NRCAM: variants seen among roughly 807,000 people sequenced by gnomAD.
NRCAM encodes neuronal cell adhesion molecule.
NRCAM carries 83 observed loss-of-function variants against 156.5 expected under a neutral mutation model. The observed-to-expected ratio is 0.53, with a 90% CI of 0.44 to 0.64. The LOEUF is 0.64. Among genes scored for constraint, NRCAM ranks in the 30% least tolerant of loss-of-function variants. The pLI is 0.00. For synonymous variants in NRCAM, 538 were observed against 563.9 expected (o/e 0.95, Z 0.65); for missense variants, 1,417 against 1,597.3 (o/e 0.89, Z 1.92).
At chr7:108,259,573 G>T (rs2081938460) in intron 3 of NRCAM, among the ~76,000 whole-genome samples, 1 of 152,172 alleles carries the variant, frequency 6.6e-6, no homozygotes, top group Admixed American at 6.5e-5. Context: ...ATTCACAATA[G>T]CAAGGAGATG....
intron 3 of NRCAM, among the ~76,000 whole-genome samples, chr7:108,311,338 T>G (rs2098800126): frequency 1.3e-5 from 2 of 152,202 alleles, no homozygotes; most frequent in Non-Finnish European, 2.9e-5. Flanking sequence ...GGATGGTACT[T>G]ACTATCACAT....
chr7:108,199,186 G>T (rs1311864072), intron 13 of NRCAM, among the ~76,000 whole-genome samples: 1 of 152,104 alleles, frequency 6.6e-6, no homozygotes, highest in East Asian at 1.9e-4. Flanking sequence ...GAAAGGAAAA[G>T]GATGTGCATC....
At chr7:108,261,245 G>T (rs906314945) in intron 3 of NRCAM, among the ~76,000 whole-genome samples, 1 of 152,072 alleles carries the variant, frequency 6.6e-6, no homozygotes, top group Non-Finnish European at 1.5e-5. Flanking sequence ...TTAAGACCCA[G>T]GTAAAGGTTG....
At chr7:108,347,714 G>C (rs144631204) in intron 2 of NRCAM, among the ~76,000 whole-genome samples, 1 of 152,328 alleles carries the variant, frequency 6.6e-6, no homozygotes, top group East Asian at 1.9e-4. Context: ...GTTCCTTTAA[G>C]TGAGAATCTT....
chr7:108,432,668 C>T (rs962171962), intron 1 of NRCAM, among the ~76,000 whole-genome samples: 4 of 152,138 alleles, frequency 2.6e-5, no homozygotes, highest in South Asian at 2.1e-4. Context: ...TTCGGGAGGC[C>T]GAGGAGGGCA....
chr7:108,226,373 G>C lies in NRCAM; in HGVS notation c.556C>G (p.Gln186Glu). ...ACTCTCTCACTTTGTGGAAGTCTTT[G>C]AAAGGCTGGAGAAAGGCAGAGAGAT... ...PIIFWMDNSFQRLPQSERVSQ... is the reference protein window; with the variant it reads ...PIIFWMDNSFERLPQSERVSQ... The change falls in exon 9 of 33, where the codon CAA (glutamine) becomes GAA (glutamate). Residue 186 changes from glutamine (Q) to glutamate (E), a missense_variant. Physicochemically the swap from Gln to Glu is conservative, Grantham distance 29. This residue lies in a region of NRCAM where 1,238 missense variants were observed against 1,336.4 expected (regional missense o/e 0.93). Coordinates refer to ENST00000379028, the MANE Select transcript of NRCAM (RefSeq NM_001037132.4). The C allele has an allele frequency of 1.9e-6, 3 of 1,611,080 alleles. No homozygotes were observed. The highest frequency in any genetic ancestry group is 2.2e-5 in the South Asian group (2 of 90,552).
chr7:108,394,581 T>C (rs545019218), intron 2 of NRCAM, among the ~76,000 whole-genome samples: 5 of 152,140 alleles, frequency 3.3e-5, no homozygotes, highest in Non-Finnish European at 4.4e-5. Context: ...ACTAATATGA[T>C]GACACTAAAT....
chr7:108,237,686 T>C (rs988618429), intron 5 of NRCAM, 66 bp downstream of exon 5: 2 of 1,226,086 alleles, frequency 1.6e-6, no homozygotes, highest in African/African-American at 3.1e-5. Context: ...ATCACAATAT[T>C]AATTCAAAAA....
intron 1 of NRCAM, among the ~76,000 whole-genome samples, chr7:108,451,348 G>T (rs1850123068): frequency 6.6e-6 from 1 of 152,138 alleles, no homozygotes; most frequent in Admixed American, 6.6e-5. Context: ...TGGAACCCCT[G>T]CGCATTGTTG....
chr7:108,225,881 G>T (rs2093361263), intron 9 of NRCAM, among the ~76,000 whole-genome samples, 180 bp from the exon 10 acceptor site: 1 of 152,182 alleles, frequency 6.6e-6, no homozygotes, highest in African/African-American at 2.4e-5. Context: ...CCCCCACCAG[G>T]AATATGCAGA....
intron 2 of NRCAM, among the ~76,000 whole-genome samples, chr7:108,374,795 C>T (rs2193248): frequency 0.68 from 103,178 of 151,896 alleles, 35,537 homozygotes; most frequent in East Asian, 0.93. Context: ...TATGGGTATG[C>T]GTAGGCTCAT....
chr7:108,213,648 G>A (rs1481538653), intron 11 of NRCAM, among the ~76,000 whole-genome samples: 1 of 152,142 alleles, frequency 6.6e-6, no homozygotes, highest in South Asian at 2.1e-4. Context: ...AAACTTTAAA[G>A]CAACAGCAGT....
Position 108,226,308 on chromosome 7 carries a change from G to T in NRCAM, c.621C>A (p.Val207=). 6.2e-7 allele frequency: 1 copy of T among 1,610,086 alleles called. No individual in the cohort carries two copies. The highest frequency in any genetic ancestry group is 8.5e-7 in the Non-Finnish European group (1 of 1,176,700). The change falls in exon 9 of 33, where the codon GTC becomes GTA. Residue 207 remains valine (V), a synonymous_variant. Coordinates refer to ENST00000379028, the MANE Select transcript of NRCAM (RefSeq NM_001037132.4). The part of the protein sequence containing the change: ...GLNGDLYFSN[V]LPEDTREDYI... ...AGTCTTCGCGGGTGTCCTCTGGGAG[G>T]ACATTGGAAAAATAAAGGTCCCCAT...
intron 3 of NRCAM, among the ~76,000 whole-genome samples, chr7:108,291,936 C>G (rs537140884): frequency 1.3e-5 from 2 of 152,198 alleles, no homozygotes; most frequent in Admixed American, 6.5e-5. Flanking sequence ...ACTCAAATGC[C>G]TAAGGGGGCC....
At chr7:108,185,496 G>A (rs10233338) in intron 20 of NRCAM, among the ~76,000 whole-genome samples, 103,274 of 151,922 alleles carry the variant, frequency 0.68, 37,167 homozygotes, top group East Asian at 0.96. Context: ...AGCACTTTGG[G>A]AGACCCAGGT....
intron 3 of NRCAM, 93 bp from the exon 4 acceptor site, chr7:108,240,263 A>G: frequency 2.2e-6 from 1 of 449,092 alleles, no homozygotes; most frequent in South Asian, 2.9e-5. Flanking sequence ...CTAGCCGTGT[A>G]TTATACATGA....
intron 32 of NRCAM, 39 bp downstream of exon 32, chr7:108,159,424 T>C: frequency 2.6e-6 from 4 of 1,537,620 alleles, no homozygotes; most frequent in Non-Finnish European, 3.6e-6. Context: ...TGTGTTCATG[T>C]GGGCAGAGAA....
intron 3 of NRCAM, among the ~76,000 whole-genome samples, chr7:108,263,532 G>A (rs928673625): frequency 2.0e-5 from 3 of 152,252 alleles, no homozygotes; most frequent in Non-Finnish European, 4.4e-5. Context: ...CTTCCTGCCA[G>A]CGCCATCTGG....
chr7:108,177,862 C>T, intron 26 of NRCAM, 128 bp downstream of exon 26: 1 of 744,410 alleles, frequency 1.3e-6, no homozygotes, highest in Non-Finnish European at 2.0e-6. Flanking sequence ...GCGAATTCCC[C>T]TGATCTGATC....
Sources: gnomAD v4.1 joint callset for allele counts (sites outside exome capture counted in the v4.1 genomes callset) on GRCh38, gnomAD v4.1.1 for gene constraint, gnomAD v4.1.1 regional missense constraint, MANE v1.5 for transcripts, NCBI Gene and HGNC (gene_info 2026-07-23, HGNC 2026-07-21) for gene names.